TOP3A: variants seen among roughly 807,000 people sequenced by gnomAD.
The protein encoded by TOP3A is DNA topoisomerase III alpha.
Under a neutral mutation model 111.3 loss-of-function variants are expected in TOP3A, and 64 were observed. The observed-to-expected ratio is 0.57, with a 90% CI of 0.47 to 0.71. TOP3A has a LOEUF of 0.71. TOP3A is among the 30% of genes least tolerant of loss of function. TOP3A has a pLI of 0.00. For synonymous variants in TOP3A, 484 were observed against 485.1 expected, an observed-to-expected ratio of 1.00 and a Z score of 0.03; for missense variants, 1,104 against 1,285.0, an observed-to-expected ratio of 0.86 and a Z score of 2.15.
In TOP3A at chr17:18,294,718, T is replaced by G; in HGVS notation, c.1058A>C (p.Lys353Thr). 1 of 1,613,178 alleles carries G rather than the reference T, an allele frequency of 6.2e-7. No homozygotes were observed. The highest frequency in any genetic ancestry group is 1.1e-5 in the South Asian group (1 of 91,034). Residue 353 changes from lysine to threonine, a missense_variant, in exon 10 of 19, where the codon AAG (lysine) becomes ACG (threonine). Lys to Thr is a moderately conservative substitution (Grantham distance 78). Coordinates refer to ENST00000321105, the MANE Select transcript of TOP3A (RefSeq NM_004618.5). ...AAATACTTACCCTTGAGTGTAGAGC[T>G]TCTCAGCAATCCTCATGGTTTCTTT... The part of the protein sequence containing the change: ...NAKETMRIAE[K>T]LYTQGYISYP...
In TOP3A at chr17:18,292,726, A is replaced by G. The variant is rs750558542; in HGVS notation, c.1200T>C (p.Gly400=). The change falls in exon 11 of 19, where the codon GGT becomes GGC. Residue 400 remains glycine, a synonymous_variant. Coordinates refer to ENST00000321105, the MANE Select transcript of TOP3A (RefSeq NM_004618.5). ...GAFAQSILER[G]GPTPRNGNKS... ...TGTTCCCATTGCGTGGGGTGGGACC[A>G]CCCCGCTCTAGAATGCTCTGGGCAA... 2.3e-5 allele frequency: 37 copies of G among 1,611,626 alleles called. No individual in the cohort carries two copies. The highest frequency in any genetic ancestry group is 4.2e-6 in the Non-Finnish European group (5 of 1,178,512).
intron 5 of TOP3A, among the ~76,000 whole-genome samples, chr17:18,303,246 A>C (rs1471778923): frequency 6.6e-6 from 1 of 152,176 alleles, no homozygotes; most frequent in Admixed American, 6.5e-5. Flanking sequence ...CCAGAGACAC[A>C]ATGCACTGTG....
chr17:18,309,044 T>C, intron 1 of TOP3A, 103 bp from the exon 2 acceptor site: 2 of 619,116 alleles, frequency 3.2e-6, no homozygotes, highest in East Asian at 3.2e-5. Flanking sequence ...TTCTTGGTTA[T>C]GATACCAAAA....
At chr17:18,295,481 G>A (rs758739485) in intron 9 of TOP3A, among the ~76,000 whole-genome samples, 2 of 150,938 alleles carry the variant, frequency 1.3e-5, no homozygotes, top group Non-Finnish European at 2.9e-5. Context: ...TTTTATTTTC[G>A]AGACAGTCTC....
chr17:18,285,272 C>T lies in TOP3A; in HGVS notation c.1747G>A (p.Asp583Asn). ...DSMGYEMSKP[D>N]LRAELEADLK... ...TCAGCTTCCAGTTCAGCCCGGAGGT[C>T]AGGCTTAGACATTTCATAGCCCATG... The change falls in exon 15 of 19, where the codon GAC (aspartate) becomes AAC (asparagine). Residue 583 changes from aspartate (D) to asparagine (N), a missense_variant. By Grantham distance (23) the Asp-to-Asn change is conservative. Transcript: ENST00000321105. 1 of 1,614,178 alleles carries T rather than the reference C, an allele frequency of 6.2e-7. No individual in the cohort carries two copies. Among genetic ancestry groups the T allele is most frequent in the South Asian group, 1.1e-5 (1 of 91,084 alleles).
intron 16 of TOP3A, among the ~76,000 whole-genome samples, chr17:18,282,127 T>C (rs1979799081): frequency 6.6e-6 from 1 of 152,118 alleles, no homozygotes; most frequent in Non-Finnish European, 1.5e-5. Flanking sequence ...ATCTACTATA[T>C]TTAAAGCGAA....
intron 1 of TOP3A, chr17:18,313,431 C>A (rs3829583): frequency 0.38 from 59,210 of 153,902 alleles, 13,055 homozygotes; most frequent in African/African-American, 0.61. Context: ...AAAGGGTTCA[C>A]CTGAAGTGCC....
intron 9 of TOP3A, 88 bp downstream of exon 9, chr17:18,299,471 C>A: frequency 1.7e-6 from 2 of 1,194,572 alleles, no homozygotes; most frequent in Non-Finnish European, 2.5e-6. Flanking sequence ...ATATTTTCTT[C>A]CACCAAGCCA....
chr17:18,282,775 G>A lies in TOP3A; in HGVS notation c.1944C>T (p.Tyr648=). 6.2e-7 allele frequency: 1 copy of A among 1,614,212 alleles called. No individual in the cohort carries two copies. Among genetic ancestry groups the A allele is most frequent in the Non-Finnish European group, 8.5e-7 (1 of 1,180,042 alleles). The change falls in exon 16 of 19, where the codon TAC becomes TAT. Residue 648 remains tyrosine (Y), a synonymous_variant. Transcript: ENST00000321105. The stretch of plus-strand genomic sequence containing the variant: ...TCCTGATGGGCTCTGGCATGGCTGG[G>A]TAGATATCTTCTTGCTGGGCCAACT... ...GTELAQQEDI[Y]PAMPEPIRKC... is the part of the protein sequence containing the mutation.
chr17:18,305,039 G>A, intron 5 of TOP3A, 73 bp downstream of exon 5: 1 of 1,272,426 alleles, frequency 7.9e-7, no homozygotes. Flanking sequence ...TGGCCCATGT[G>A]CACATATAAA....
rs1981100728 is a variant in TOP3A, at chr17:18,299,648, A to G, written c.916-15T>C. The G allele has an allele frequency of 6.2e-7, 1 of 1,612,208 alleles. No homozygotes were observed. Among genetic ancestry groups the G allele is most frequent in the African/African-American group, 1.3e-5 (1 of 74,872 alleles). On this transcript the variant is annotated splice_polypyrimidine_tract_variant and intron_variant, in intron 8 of 18. Coordinates refer to ENST00000321105, the MANE Select transcript of TOP3A (RefSeq NM_004618.5). ...GCCATGGGATCCTAGAAAGCCAGGAAAGAAAAGACCATGTTAACCTGTTAG... is the reference window on the plus strand; with the variant it reads ...GCCATGGGATCCTAGAAAGCCAGGAGAGAAAAGACCATGTTAACCTGTTAG...
At chr17:18,299,754 T>A in intron 8 of TOP3A, 121 bp from the exon 9 acceptor site, 2 of 896,476 alleles carry the variant, frequency 2.2e-6, no homozygotes, top group South Asian at 2.7e-5. Context: ...AAGCCCGCAG[T>A]GACAGCCTAG....
chr17:18,278,473 A>ATGGTG, intron 17 of TOP3A, 116 bp from the exon 18 acceptor site: 1 of 920,160 alleles, frequency 1.1e-6, no homozygotes, highest in Non-Finnish European at 1.5e-6. Flanking sequence ...TGCATCAGGA[A>ATGGTG]GCCCACACAA....
At chr17:18,309,267 G>T (rs1227268172) in intron 1 of TOP3A, among the ~76,000 whole-genome samples, 2 of 152,178 alleles carry the variant, frequency 1.3e-5, no homozygotes, top group Non-Finnish European at 2.9e-5. Context: ...ATTGTCAGTG[G>T]AAATGTAAAA....
At chr17:18,303,889 G>A (rs868790208) in intron 5 of TOP3A, among the ~76,000 whole-genome samples, 2 of 151,986 alleles carry the variant, frequency 1.3e-5, no homozygotes, top group Non-Finnish European at 2.9e-5. Context: ...TCAGTCTCTC[G>A]TCTCCACCTT....
intron 1 of TOP3A, among the ~76,000 whole-genome samples, 184 bp from the exon 2 acceptor site, chr17:18,309,125 T>A (rs1981759050): frequency 6.6e-6 from 1 of 152,150 alleles, no homozygotes; most frequent in African/African-American, 2.4e-5. Context: ...TCAATGTTAT[T>A]AATCATTAGG....
chr17:18,314,343 G>A (rs1262245695), intron 1 of TOP3A, among the ~76,000 whole-genome samples: 1 of 152,244 alleles, frequency 6.6e-6, no homozygotes, highest in African/African-American at 2.4e-5. Flanking sequence ...CCGAGAATCA[G>A]ACAAGTTTGG....
At chr17:18,313,935 C>T (rs1039040427) in intron 1 of TOP3A, among the ~76,000 whole-genome samples, 1 of 152,196 alleles carries the variant, frequency 6.6e-6, no homozygotes, top group Non-Finnish European at 1.5e-5. Flanking sequence ...TTTATGTCTC[C>T]CGTGGCACCT....
chr17:18,303,802 G>C (rs1008632048), intron 5 of TOP3A, among the ~76,000 whole-genome samples: 3 of 152,156 alleles, frequency 2.0e-5, no homozygotes, highest in Non-Finnish European at 2.9e-5. Context: ...CACTGGTGTA[G>C]GTCTTCACTT....
Sources: allele counts gnomAD v4.1 joint callset (sites outside exome capture counted in the v4.1 genomes callset), GRCh38; gene constraint gnomAD v4.1.1; transcripts MANE v1.5; gene names NCBI Gene and HGNC (gene_info 2026-07-23, HGNC 2026-07-21).